The following RAP1A variants were observed in gnomAD, a reference collection of about 807,000 sequenced individuals.
RAP1A encodes the protein ras-related protein Rap-1A.
RAP1A carries 6 observed loss-of-function variants against 26.4 expected under a neutral mutation model. That is an observed-to-expected ratio of 0.23 (90% CI 0.12 to 0.45). The LOEUF is 0.45. RAP1A is among the 20% of genes least tolerant of loss of function. RAP1A has a pLI of 0.99. For missense variants in RAP1A, 121 were observed against 217.2 expected, an observed-to-expected ratio of 0.56 and a Z score of 2.78; for synonymous variants, 73 against 79.4, an observed-to-expected ratio of 0.92 and a Z score of 0.43.
At chr1:111,629,444 G>GT (rs1659503942) in intron 1 of RAP1A, among the ~76,000 whole-genome samples, 1 of 152,106 alleles carries the variant, frequency 6.6e-6, no homozygotes, top group Non-Finnish European at 1.5e-5. Flanking sequence ...CACATGAACT[G>GT]TGAATTGTCT....
At position 111,693,871 on chromosome 1, in the gene RAP1A, C is replaced by T. The variant is rs899550760; in HGVS notation, c.58-1470C>T. Among the ~76,000 whole-genome samples the T allele has an allele frequency of 7.3e-5, 11 of 150,056 alleles. 1 individual carries two copies. The highest frequency in any genetic ancestry group is 5.8e-4 in the East Asian group (3 of 5,134). On this transcript the variant is annotated intron_variant, in intron 2 of 7. Coordinates refer to ENST00000369709, the MANE Select transcript of RAP1A (RefSeq NM_002884.4). ...TGAGACTCTCTGCTCTAGCCTAAAGCATATTAGGAAGCTGTATTAGACTGC... is the reference window on the plus strand; with the variant it reads ...TGAGACTCTCTGCTCTAGCCTAAAGTATATTAGGAAGCTGTATTAGACTGC...
intron 1 of RAP1A, among the ~76,000 whole-genome samples, chr1:111,594,996 T>C (rs529370778): frequency 1.3e-5 from 2 of 152,348 alleles, no homozygotes; most frequent in South Asian, 4.1e-4. Context: ...GTTGCACTCA[T>C]TCTGTATATA....
chr1:111,628,049 A>G (rs1659454991), intron 1 of RAP1A, among the ~76,000 whole-genome samples: 1 of 152,050 alleles, frequency 6.6e-6, no homozygotes, highest in Admixed American at 6.6e-5. Flanking sequence ...CCTGCTAAAT[A>G]TGTGTATGAT....
intron 4 of RAP1A, 100 bp from the exon 5 acceptor site, chr1:111,703,236 A>G (rs906352307): frequency 1.2e-5 from 10 of 825,948 alleles, no homozygotes; most frequent in Non-Finnish European, 1.7e-5. Flanking sequence ...ATAGCAAGTA[A>G]TAAAAAATGT....
intron 1 of RAP1A, among the ~76,000 whole-genome samples, chr1:111,580,711 G>C (rs1242271761): frequency 6.6e-6 from 1 of 152,132 alleles, no homozygotes; most frequent in South Asian, 2.1e-4. Flanking sequence ...GCCAGGTGCA[G>C]TGGCAGGTGC....
chr1:111,628,286 T>C (rs1659460808), intron 1 of RAP1A, among the ~76,000 whole-genome samples: 2 of 152,202 alleles, frequency 1.3e-5, no homozygotes, highest in Non-Finnish European at 2.9e-5. Flanking sequence ...GAAATGCAAA[T>C]GGGCTGTGGT....
At chr1:111,643,369 G>T (rs997783125) in intron 1 of RAP1A, among the ~76,000 whole-genome samples, 1 of 152,122 alleles carries the variant, frequency 6.6e-6, no homozygotes, top group Non-Finnish European at 1.5e-5. Context: ...TATTTTAGAC[G>T]TCTTTTCTTT....
chr1:111,691,785 A>G (rs1355403842), intron 2 of RAP1A, among the ~76,000 whole-genome samples: 1 of 152,198 alleles, frequency 6.6e-6, no homozygotes, highest in African/African-American at 2.4e-5. Context: ...CTTAGATGGA[A>G]TGAAGGTCAT....
At chr1:111,662,342 C>T (rs986485218) in intron 1 of RAP1A, among the ~76,000 whole-genome samples, 2 of 136,656 alleles carry the variant, frequency 1.5e-5, no homozygotes, top group African/African-American at 5.7e-5. Flanking sequence ...TTGCAGTGAG[C>T]AGAGGTAGCA....
rs535967333 is a variant in RAP1A at position 111,681,216 on chromosome 1, C to G, written c.-27-10118C>G. 3.9e-4 allele frequency among the ~76,000 whole-genome samples: 59 copies of G among 152,272 alleles called. 1 individual carries two copies. The South Asian group carries it at 0.012, about 31-fold the overall frequency. ...TGAGCCAAGATTGTGTCATTGCACT[C>G]CAGCCTGGACAACAGAGTGAAACTC... On this transcript the variant is annotated intron_variant, in intron 1 of 7. Coordinates refer to ENST00000369709, the MANE Select transcript of RAP1A (RefSeq NM_002884.4).
intron 1 of RAP1A, among the ~76,000 whole-genome samples, chr1:111,626,948 A>G (rs1333899456): frequency 6.6e-6 from 1 of 152,224 alleles, no homozygotes; most frequent in Non-Finnish European, 1.5e-5. Context: ...GGTGAGCATA[A>G]TAGAAGCTGG....
At chr1:111,658,997 A>G (rs927199471) in intron 1 of RAP1A, among the ~76,000 whole-genome samples, 2 of 152,146 alleles carry the variant, frequency 1.3e-5, no homozygotes, top group Non-Finnish European at 2.9e-5. Context: ...ACTCTTCTTC[A>G]TACCTGATAA....
At chr1:111,662,896 A>G (rs1416156983) in intron 1 of RAP1A, among the ~76,000 whole-genome samples, 1 of 151,918 alleles carries the variant, frequency 6.6e-6, no homozygotes, top group East Asian at 1.9e-4. Flanking sequence ...TATTCCTGCA[A>G]AAGTCTCTTT....
Position 111,691,354 on chromosome 1 carries a change from T to A in RAP1A, c.-7T>A, listed in dbSNP as rs747793923. 4.3e-6 allele frequency: 7 copies of A among 1,612,446 alleles called. No individual in the cohort carries two copies. Among genetic ancestry groups the A allele is most frequent in the Non-Finnish European group, 1.7e-6 (2 of 1,178,824 alleles). On this transcript the variant is annotated 5_prime_UTR_variant, in exon 2 of 8. Coordinates refer to ENST00000369709, the MANE Select transcript of RAP1A (RefSeq NM_002884.4). Reference sequence around the variant, plus strand: ...TTCAGATCGTCAGTATTTAAACAGATCACATCATGCGTGAGTACAAGCTAG... The same window carrying A: ...TTCAGATCGTCAGTATTTAAACAGAACACATCATGCGTGAGTACAAGCTAG...
At chr1:111,564,296 C>T (rs1268274752) in intron 1 of RAP1A, among the ~76,000 whole-genome samples, 1 of 152,150 alleles carries the variant, frequency 6.6e-6, no homozygotes, top group African/African-American at 2.4e-5. Context: ...ATAGTCTTAA[C>T]ATTCCTGCTG....
chr1:111,617,086 A>G (rs1659028027), upstream of RAP1A, among the ~76,000 whole-genome samples: 1 of 152,018 alleles, frequency 6.6e-6, no homozygotes. Context: ...TATATGCAGG[A>G]TGCTAACATG....
chr1:111,568,310 G>A (rs774115131), intron 1 of RAP1A, among the ~76,000 whole-genome samples: 1 of 152,206 alleles, frequency 6.6e-6, no homozygotes, highest in Non-Finnish European at 1.5e-5. Context: ...GCCTCAGGGA[G>A]CTTTTGTTCA....
At chr1:111,674,503 A>C (rs1480676015) in intron 1 of RAP1A, among the ~76,000 whole-genome samples, 1 of 152,170 alleles carries the variant, frequency 6.6e-6, no homozygotes, top group Non-Finnish European at 1.5e-5. Context: ...TTGACTCCCG[A>C]GTCTGTACCT....
intron 2 of RAP1A, among the ~76,000 whole-genome samples, chr1:111,693,120 A>G (rs926882406): frequency 1.3e-5 from 2 of 152,178 alleles, no homozygotes; most frequent in African/African-American, 4.8e-5. Flanking sequence ...GCATAGAAGA[A>G]GGTGTCTTTA....
Sources: gnomAD v4.1 joint callset for allele counts (sites outside exome capture counted in the v4.1 genomes callset) on GRCh38, gnomAD v4.1.1 for gene constraint, MANE v1.5 for transcripts, NCBI Gene and HGNC (gene_info 2026-07-23, HGNC 2026-07-21) for gene names.